Variants in PLXNA4 observed in about 807,000 individuals in gnomAD.
The protein encoded by PLXNA4 is plexin A4.
Under a neutral mutation model 191.8 loss-of-function variants are expected in PLXNA4, and 44 were observed. That is an observed-to-expected ratio of 0.23 (90% CI 0.18 to 0.29). The LOEUF is 0.29. Ranked by LOEUF, PLXNA4 falls within the 10% of genes least tolerant of loss-of-function variation. The probability of loss-of-function intolerance (pLI) is 1.00; values close to 1 mark genes in which losing one functional copy is unlikely to be tolerated. For missense variants in PLXNA4, 1,800 were observed against 2,488.8 expected (o/e 0.72, Z 5.89); for synonymous variants, 1,082 against 1,009.5 (o/e 1.07, Z -1.36).
At chr7:132,368,949 C>A (rs1448608757) in intron 3 of PLXNA4, among the ~76,000 whole-genome samples, 1 of 152,228 alleles carries the variant, frequency 6.6e-6, no homozygotes, top group Non-Finnish European at 1.5e-5. Context: ...TCAGCACCAC[C>A]TGAAGGGGCT....
intron 3 of PLXNA4, among the ~76,000 whole-genome samples, chr7:132,352,916 GA>G (rs1367762562): frequency 6.6e-6 from 1 of 152,062 alleles, no homozygotes; most frequent in African/African-American, 2.4e-5. Context: ...ATAATCTTGG[GA>G]GGGGAAATAT....
chr7:132,527,348 G>C (rs1237725846), intron 1 of PLXNA4, among the ~76,000 whole-genome samples: 1 of 151,914 alleles, frequency 6.6e-6, no homozygotes, highest in African/African-American at 2.4e-5. Context: ...CACCTCTCAG[G>C]AGCTACTCTC....
At chr7:132,341,427 GA>G (rs1338386820) in intron 3 of PLXNA4, among the ~76,000 whole-genome samples, 2 of 152,188 alleles carry the variant, frequency 1.3e-5, no homozygotes, top group African/African-American at 2.4e-5. Context: ...GATTGTGAGG[GA>G]AAAATGTGTC....
chr7:132,344,333 A>C (rs992532035), intron 3 of PLXNA4, among the ~76,000 whole-genome samples: 2 of 152,188 alleles, frequency 1.3e-5, no homozygotes, highest in African/African-American at 2.4e-5. Flanking sequence ...GTGCTACGAT[A>C]TGATTAAGGA....
At position 132,623,202 on chromosome 7, in the gene PLXNA4, C is replaced by T. The variant is rs546472037; in HGVS notation, c.-87+22726G>A. Among the ~76,000 whole-genome samples, 14 of 152,016 alleles carry T rather than the reference C, an allele frequency of 9.2e-5. No homozygotes were observed. In the South Asian group the frequency reaches 2.1e-3, roughly 23 times the overall value. ...TTTTTGTAAAAATACAAAAATTAGC[C>T]GGGCGTGGCAGCACGTGCCTGTAAT... On this transcript the variant is annotated intron_variant, in intron 2 of 4. Coordinates refer to the PLXNA4 transcript ENST00000378539.
intron 3 of PLXNA4, among the ~76,000 whole-genome samples, chr7:132,353,899 T>C (rs1803591462): frequency 6.6e-6 from 1 of 152,190 alleles, no homozygotes; most frequent in African/African-American, 2.4e-5. Context: ...GTTGTGCTTC[T>C]TGAAAGCTTT....
At chr7:132,455,024 CTGGG>C (rs1295101896) in intron 3 of PLXNA4, among the ~76,000 whole-genome samples, 5 of 152,228 alleles carry the variant, frequency 3.3e-5, no homozygotes, top group African/African-American at 1.2e-4. Context: ...TATCCCTGCA[CTGGG>C]TGGCAGCCTG....
At chr7:132,619,089 G>A (rs908590002) in intron 2 of PLXNA4, among the ~76,000 whole-genome samples, 5 of 152,162 alleles carry the variant, frequency 3.3e-5, no homozygotes, top group African/African-American at 1.2e-4. Flanking sequence ...AGAACAGTGG[G>A]AAAATGTCAG....
At chr7:132,525,922 G>T (rs995497679) in intron 1 of PLXNA4, among the ~76,000 whole-genome samples, 1 of 152,126 alleles carries the variant, frequency 6.6e-6, no homozygotes, top group East Asian at 1.9e-4. Flanking sequence ...GTGAAACAGG[G>T]TTTCTCAAAC....
intron 3 of PLXNA4, among the ~76,000 whole-genome samples, chr7:132,322,183 G>T (rs1802193598): frequency 1.2e-5 from 1 of 81,796 alleles, no homozygotes. Flanking sequence ...CCCTAAAAGG[G>T]CTTTTTTTTT....
At chr7:132,151,330 AAGAAGG>A (rs1483519922) in intron 25 of PLXNA4, among the ~76,000 whole-genome samples, 2 of 55,272 alleles carry the variant, frequency 3.6e-5, no homozygotes, top group Non-Finnish European at 9.1e-5. Flanking sequence ...GAGGAGGAAG[AAGAAGG>A]AGGAGGAGGA....
rs1014248562 is a variant in PLXNA4, at chr7:132,383,970, G to T, written c.1372-85748C>A. 5.1e-6 allele frequency: 5 copies of T among 985,280 alleles called. No homozygotes were observed. The African/African-American group carries it at 8.7e-5, about 17-fold the overall frequency. 61.0% of individuals were successfully genotyped at this position (985,280 alleles called of 1,614,324 possible). Reference sequence around the variant, plus strand: ...GCTTTTCAACTCTTTCAAAGTCCTTGCTTTACCCATCCCTATGCAGGTGCA... The same window carrying T: ...GCTTTTCAACTCTTTCAAAGTCCTTTCTTTACCCATCCCTATGCAGGTGCA... On this transcript the variant is annotated intron_variant, in intron 3 of 31. Transcript: ENST00000321063.
chr7:132,451,144 G>A (rs1796106116), intron 3 of PLXNA4, among the ~76,000 whole-genome samples: 1 of 152,222 alleles, frequency 6.6e-6, no homozygotes, highest in African/African-American at 2.4e-5. Context: ...GTGAGGCCAG[G>A]TGTGGTAAGT....
At chr7:132,440,604 C>T (rs545992150) in intron 3 of PLXNA4, among the ~76,000 whole-genome samples, 27 of 152,184 alleles carry the variant, frequency 1.8e-4, no homozygotes, top group Non-Finnish European at 2.9e-4. Flanking sequence ...TCTTTCCTCC[C>T]CTTCCCTAAA....
chr7:132,197,252 T>C (rs1797280885), intron 13 of PLXNA4, among the ~76,000 whole-genome samples: 2 of 152,186 alleles, frequency 1.3e-5, no homozygotes, highest in Non-Finnish European at 2.9e-5. Flanking sequence ...GGAATAAGGA[T>C]CTGCTATTGT....
intron 3 of PLXNA4, among the ~76,000 whole-genome samples, chr7:132,470,959 G>A (rs1796911494): frequency 1.3e-5 from 2 of 152,170 alleles, no homozygotes; most frequent in African/African-American, 4.8e-5. Flanking sequence ...TTGGATATGA[G>A]TCCCCGCCCA....
chr7:132,436,299 A>G (rs1795466669), intron 3 of PLXNA4, among the ~76,000 whole-genome samples: 1 of 152,212 alleles, frequency 6.6e-6, no homozygotes, highest in South Asian at 2.1e-4. Context: ...CTATGGGGAC[A>G]ATGGGTCTGG....
chr7:132,271,412 A>T (rs1338700203), intron 4 of PLXNA4: 3 of 144,358 alleles, frequency 2.1e-5, no homozygotes, highest in Non-Finnish European at 4.5e-5. Context: ...TAGGGAAACA[A>T]GGAACTTTAG....
intron 3 of PLXNA4, among the ~76,000 whole-genome samples, chr7:132,404,842 G>A (rs1794144204): frequency 6.6e-6 from 1 of 152,076 alleles, no homozygotes; most frequent in Non-Finnish European, 1.5e-5. Context: ...TGTGGCCCAG[G>A]AGACCAGAAG....
Sources: gnomAD v4.1 joint callset for allele counts (sites outside exome capture counted in the v4.1 genomes callset) on GRCh38, gnomAD v4.1.1 for gene constraint, MANE v1.5 for transcripts, NCBI Gene and HGNC (gene_info 2026-07-23, HGNC 2026-07-21) for gene names.